Variants in PLEKHA6 observed in about 807,000 individuals in gnomAD.
The protein encoded by PLEKHA6 is pleckstrin homology domain containing A6, also known as pleckstrin homology domain-containing family A member 6.
PLEKHA6 carries 60 observed loss-of-function variants against 116.7 expected under a neutral mutation model. That is an observed-to-expected ratio of 0.51 (90% CI 0.42 to 0.64). PLEKHA6 has a LOEUF of 0.64. Among genes scored for constraint, PLEKHA6 ranks in the 30% least tolerant of loss-of-function variants. PLEKHA6 has a pLI of 0.00. For missense variants in PLEKHA6, 1,338 were observed against 1,422.7 expected, an observed-to-expected ratio of 0.94 and a Z score of 0.96; for synonymous variants, 489 against 556.1, an observed-to-expected ratio of 0.88 and a Z score of 1.70.
intron 1 of PLEKHA6, among the ~76,000 whole-genome samples, chr1:204,344,275 C>T (rs1672949140): frequency 6.6e-6 from 1 of 152,120 alleles, no homozygotes; most frequent in African/African-American, 2.4e-5. Flanking sequence ...CTCCTCTAAG[C>T]CGGCTGAAAA....
intron 1 of PLEKHA6, among the ~76,000 whole-genome samples, chr1:204,356,302 G>T (rs919698269): frequency 3.9e-5 from 6 of 152,326 alleles, no homozygotes; most frequent in Non-Finnish European, 8.8e-5. Context: ...GCCAGGTGTG[G>T]TGGTTCACGC....
rs776850238 is a variant in PLEKHA6 at position 204,247,354 on chromosome 1, C to T, written c.1920+11G>A. 3.8e-6 allele frequency: 6 copies of T among 1,567,564 alleles called. No individual in the cohort carries two copies. In the East Asian group the frequency reaches 9.0e-5, roughly 23 times the overall value. ...ATCCCAATCCCCGCCAGCTCAGGGG[C>T]CCTTCTTCACCTGGGTGTCCAAATT... On this transcript the variant is annotated intron_variant, in intron 13 of 22. Transcript: ENST00000272203.
upstream of PLEKHA6, among the ~76,000 whole-genome samples, chr1:204,361,356 G>T (rs1673553363): frequency 6.6e-6 from 1 of 152,188 alleles, no homozygotes; most frequent in African/African-American, 2.4e-5. Context: ...CAGGAGCACA[G>T]ACTTCCCTCC....
intron 1 of PLEKHA6, among the ~76,000 whole-genome samples, chr1:204,356,412 A>G (rs1348524045): frequency 6.6e-6 from 1 of 152,098 alleles, no homozygotes; most frequent in African/African-American, 2.4e-5. Context: ...TCAAAAATAC[A>G]TAAAATTAGC....
intron 9 of PLEKHA6, chr1:204,251,718 C>A: frequency 1.6e-6 from 1 of 635,976 alleles, no homozygotes. Flanking sequence ...GGCAGCTCCC[C>A]CAGCACCCTG....
chr1:204,265,050 GGA>G lies in PLEKHA6; in HGVS notation c.281-10_281-9del, dbSNP rs766484589. 1 of 1,599,430 alleles carries G rather than the reference GGA, an allele frequency of 6.3e-7. No homozygotes were observed. The highest frequency in any genetic ancestry group is 1.4e-5 in the African/African-American group (1 of 73,980). ...TACTCTCTTCCTTCTCATCTGTCAG[GGA>G]GAGAGGCACAAGAAGGGTGTGTGTG... On this transcript the variant is annotated splice_polypyrimidine_tract_variant and intron_variant, in intron 5 of 22. Transcript: ENST00000272203.
At chr1:204,247,487 G>C (rs1397101366) in intron 12 of PLEKHA6, 27 bp from the exon 13 acceptor site, 2 of 1,465,792 alleles carry the variant, frequency 1.4e-6, no homozygotes, top group African/African-American at 2.8e-5. Context: ...CGTTCACTGA[G>C]AAAGCCGCCA....
Position 204,264,957 on chromosome 1 carries a change from C to T in PLEKHA6, c.366G>A (p.Arg122=). The change falls in exon 6 of 23, where the codon CGG becomes CGA. Residue 122 remains arginine, a synonymous_variant. Transcript: ENST00000272203. ...GCCAACTGACCTTAAACGTGTGTTT[C>T]CGGCTGATGTTGTCTGAGGGCTGCA... ...AAVQPSDNIS[R]KHTFKAEHAG... The T allele has an allele frequency of 1.2e-6, 2 of 1,613,778 alleles. No individual in the cohort carries two copies. The highest frequency in any genetic ancestry group is 1.7e-6 in the Non-Finnish European group (2 of 1,179,644).
intron 3 of PLEKHA6, among the ~76,000 whole-genome samples, chr1:204,269,257 C>A (rs1351074598): frequency 6.6e-6 from 1 of 150,508 alleles, no homozygotes; most frequent in East Asian, 2.0e-4. Context: ...CTGGACCCAT[C>A]AGCTCCTCCC....
chr1:204,313,724 T>G, intron 1 of PLEKHA6: 1 of 984,920 alleles, frequency 1.0e-6, no homozygotes, highest in Non-Finnish European at 1.2e-6. Flanking sequence ...CCTTTCTATC[T>G]GTCATCTCCC....
intron 1 of PLEKHA6, chr1:204,313,783 G>A: frequency 1.2e-6 from 1 of 815,070 alleles, no homozygotes; most frequent in Non-Finnish European, 1.5e-6. Context: ...GTCTAATTAA[G>A]CAAGCAGCAG....
In PLEKHA6 at chr1:204,228,981, T is replaced by A; in HGVS notation, c.2707A>T (p.Met903Leu). 6.2e-7 allele frequency: 1 copy of A among 1,614,116 alleles called. No homozygotes were observed. ...TCATAATGCTGGGGCTCTAGCTCCA[T>A]TTTGCGAAGCCGGGCAATTTCCTCC... is the stretch of plus-strand genomic sequence containing the variant. ...PREEIARLRK[M>L]ELEPQHYDVD... Residue 903 changes from methionine (M) to leucine (L), a missense_variant, in exon 19 of 23, where the codon ATG (methionine) becomes TTG (leucine). Coordinates refer to ENST00000272203, the MANE Select transcript of PLEKHA6 (RefSeq NM_014935.5). The surrounding 1 kb of genome is among the most constrained non-coding windows in gnomAD (Gnocchi z 4.0).
chr1:204,260,911 C>T (rs770503355), intron 7 of PLEKHA6, among the ~76,000 whole-genome samples: 1 of 152,202 alleles, frequency 6.6e-6, no homozygotes, highest in Non-Finnish European at 1.5e-5. Flanking sequence ...GAGGGTGAGT[C>T]CCTTGCACTG....
At chr1:204,346,762 T>TC in intron 1 of PLEKHA6, 1 of 941,768 alleles carries the variant, frequency 1.1e-6, no homozygotes, top group Non-Finnish European at 1.7e-6. Context: ...TGCTTTTTTT[T>TC]TTTTTAACAC....
chr1:204,300,835 A>G (rs1450857401), intron 1 of PLEKHA6, among the ~76,000 whole-genome samples: 3 of 152,252 alleles, frequency 2.0e-5, no homozygotes, highest in African/African-American at 7.2e-5. Context: ...TGGGAAGACC[A>G]ATTCCTACCT....
At chr1:204,311,558 T>C in intron 1 of PLEKHA6, 1 of 940,738 alleles carries the variant, frequency 1.1e-6, no homozygotes. Flanking sequence ...AGATTAAGGC[T>C]TCTTGAGTGT....
intron 9 of PLEKHA6, among the ~76,000 whole-genome samples, chr1:204,254,617 T>C (rs1255776094): frequency 6.6e-6 from 1 of 152,194 alleles, no homozygotes; most frequent in East Asian, 1.9e-4. Context: ...TCAACCTCTC[T>C]GTGCTTTAGT....
At chr1:204,230,728 C>T (rs1661067953) in intron 17 of PLEKHA6, 142 bp from the exon 18 acceptor site, 1 of 656,912 alleles carries the variant, frequency 1.5e-6, no homozygotes, top group Non-Finnish European at 2.6e-6. Flanking sequence ...ATGTCCAAGT[C>T]CCAACCCCAG....
At chr1:204,249,020 G>T in intron 11 of PLEKHA6, 50 bp from the exon 12 acceptor site, 1 of 1,597,156 alleles carries the variant, frequency 6.3e-7, no homozygotes. Flanking sequence ...GCTCCTCTCT[G>T]GGATTGAACA....
Sources: gnomAD v4.1 joint callset for allele counts (sites outside exome capture counted in the v4.1 genomes callset) on GRCh38, gnomAD v4.1.1 for gene constraint, Gnocchi (gnomAD v3.1) non-coding constraint, MANE v1.5 for transcripts, NCBI Gene and HGNC (gene_info 2026-07-23, HGNC 2026-07-21) for gene names.